TMPRSS3: variants seen among roughly 807,000 people sequenced by gnomAD.
TMPRSS3 encodes transmembrane protease serine 3.
Under a neutral mutation model 59.6 loss-of-function variants are expected in TMPRSS3, and 55 were observed. That is an observed-to-expected ratio of 0.92 (90% CI 0.74 to 1.16). The LOEUF (loss-of-function observed/expected upper bound fraction) is 1.16. TMPRSS3 is among the 50% of genes most tolerant of loss of function. TMPRSS3 has a pLI of 0.00. For missense variants in TMPRSS3, 596 were observed against 579.4 expected, an observed-to-expected ratio of 1.03 and a Z score of -0.29; for synonymous variants, 257 against 237.7, an observed-to-expected ratio of 1.08 and a Z score of -0.75.
chr21:42,394,266 C>A (rs188586352), intron 2 of TMPRSS3, among the ~76,000 whole-genome samples: 1 of 151,922 alleles, frequency 6.6e-6, no homozygotes, highest in African/African-American at 2.4e-5. Flanking sequence ...ATATTAGGAA[C>A]AACTATAGGT....
chr21:42,383,853 TGGCACCCAGGAGGAA>T, intron 7 of TMPRSS3, 102 bp downstream of exon 7: 1 of 1,114,130 alleles, frequency 9.0e-7, no homozygotes, highest in Non-Finnish European at 1.4e-6. Flanking sequence ...AGTTCCCGCC[TGGCACCCAGGAGGAA>T]GGGATACAGA....
chr21:42,376,175 C>G (rs939764220), intron 11 of TMPRSS3, among the ~76,000 whole-genome samples: 3 of 152,172 alleles, frequency 2.0e-5, no homozygotes, highest in African/African-American at 7.2e-5. Context: ...CTGGCCAGGG[C>G]CCTCAGGTGA....
intron 10 of TMPRSS3, 136 bp downstream of exon 10, chr21:42,379,981 C>G: frequency 1.4e-6 from 1 of 730,580 alleles, no homozygotes; most frequent in South Asian, 1.5e-5. Context: ...GTGTCCCGAG[C>G]AGCTGACATG....
intron 5 of TMPRSS3, 146 bp from the exon 6 acceptor site, chr21:42,385,680 A>G: frequency 1.9e-6 from 2 of 1,072,754 alleles, no homozygotes; most frequent in Non-Finnish European, 2.8e-6. Context: ...TCCTTTGCCA[A>G]GAGAATGAAG....
chr21:42,378,018 C>G (rs867077635), intron 10 of TMPRSS3, among the ~76,000 whole-genome samples: 29 of 152,198 alleles, frequency 1.9e-4, no homozygotes, highest in African/African-American at 7.0e-4. Context: ...GCTGGTTGGT[C>G]CGGAATGAGA....
At chr21:42,389,895 T>G in intron 3 of TMPRSS3, 32 bp downstream of exon 3, 22 of 1,520,370 alleles carry the variant, frequency 1.4e-5, no homozygotes, top group Admixed American at 1.7e-5. Context: ...GCTAGGTATT[T>G]GAGATCCTAC....
intron 6 of TMPRSS3, among the ~76,000 whole-genome samples, chr21:42,385,047 C>CCCTCTCTTCCTCCCTCCCTT (rs2052606466): frequency 1.1e-5 from 1 of 92,086 alleles, no homozygotes; most frequent in African/African-American, 6.9e-5. Flanking sequence ...CTCCCTCCCT[C>CCCTCTCTTCCTCCCTCCCTT]CCTTCCTTCC....
chr21:42,387,423 G>GTAA (rs1399057808), intron 5 of TMPRSS3, among the ~76,000 whole-genome samples: 1 of 146,248 alleles, frequency 6.8e-6, no homozygotes, highest in Non-Finnish European at 1.5e-5. Context: ...TCTCTAAGGA[G>GTAA]TAATACATCA....
At chr21:42,387,521 G>A (rs571943295) in intron 5 of TMPRSS3, among the ~76,000 whole-genome samples, 1 of 152,226 alleles carries the variant, frequency 6.6e-6, no homozygotes, top group South Asian at 2.1e-4. Flanking sequence ...GGTGTGGAGG[G>A]AGAGGGAGGC....
intron 11 of TMPRSS3, 91 bp from the exon 12 acceptor site, chr21:42,375,959 C>T: frequency 6.4e-7 from 1 of 1,558,086 alleles, no homozygotes; most frequent in Non-Finnish European, 8.7e-7. Context: ...AGGCTGCTTG[C>T]TATGGAGTTG....
rs138209833 is a variant in TMPRSS3, at chr21:42,384,363, C to T, written c.573-350G>A. 2.7e-3 allele frequency among the ~76,000 whole-genome samples: 404 copies of T among 152,262 alleles called. 3 individuals are homozygous for T. Among genetic ancestry groups the T allele is most frequent in the Non-Finnish European group, 4.5e-3 (309 of 68,008 alleles). On this transcript the variant is annotated intron_variant, in intron 6 of 12. Coordinates refer to ENST00000644384, the MANE Select transcript of TMPRSS3 (RefSeq NM_001256317.3). ...AGCCCAATGTTCTCCACCTCCTGGC[C>T]CCTAGGGACACAAGAGTGCCCAAGG...
At chr21:42,389,659 A>G (rs1214564517) in intron 3 of TMPRSS3, among the ~76,000 whole-genome samples, 3 of 152,130 alleles carry the variant, frequency 2.0e-5, no homozygotes, top group Non-Finnish European at 4.4e-5. Flanking sequence ...GCAGGATTCT[A>G]TTTCATCAGC....
At chr21:42,384,971 G>A (rs760478096) in intron 6 of TMPRSS3, among the ~76,000 whole-genome samples, 14 of 144,662 alleles carry the variant, frequency 9.7e-5, no homozygotes, top group Non-Finnish European at 1.5e-4. Flanking sequence ...AAAATACTTC[G>A]TAAACAAAGA....
chr21:42,386,147 G>A (rs2839503), intron 5 of TMPRSS3, among the ~76,000 whole-genome samples: 79,165 of 152,056 alleles, frequency 0.52, 21,956 homozygotes, highest in African/African-American at 0.72. Flanking sequence ...ACTTTTTAAA[G>A]AAGAATCACA....
At chr21:42,381,130 C>A (rs1424540056) in intron 9 of TMPRSS3, among the ~76,000 whole-genome samples, 1 of 152,202 alleles carries the variant, frequency 6.6e-6, no homozygotes, top group Non-Finnish European at 1.5e-5. Flanking sequence ...ATTTATTATG[C>A]TTTCCCTGCT....
chr21:42,382,992 G>A (rs2052559028), intron 8 of TMPRSS3, 41 bp downstream of exon 8: 1 of 1,612,552 alleles, frequency 6.2e-7, no homozygotes. Context: ...ACATGACCCA[G>A]GAGTGAACAG....
rs551510160 is a variant in TMPRSS3 at position 42,372,411 on chromosome 21, T to G, written c.*351A>C. 31 of 489,406 alleles carry G rather than the reference T, an allele frequency of 6.3e-5. No individual in the cohort carries two copies. Among genetic ancestry groups the G allele is most frequent in the African/African-American group, 5.8e-4 (30 of 51,558 alleles). 30.3% of individuals were successfully genotyped at this position (489,406 alleles called of 1,614,324 possible). On this transcript the variant is annotated 3_prime_UTR_variant, in exon 13 of 13. Coordinates refer to ENST00000644384, the MANE Select transcript of TMPRSS3 (RefSeq NM_001256317.3). ...CCTGTCTCTACTAAAAATACAAAAA[T>G]TAGTTGGGTGTGGTGGCGGGCACCT...
intron 7 of TMPRSS3, 121 bp downstream of exon 7, chr21:42,383,849 C>T (rs755479830): frequency 2.2e-5 from 24 of 1,074,400 alleles, no homozygotes; most frequent in South Asian, 1.4e-4. Context: ...ACAGAGTTCC[C>T]GCCTGGCACC....
intron 10 of TMPRSS3, among the ~76,000 whole-genome samples, chr21:42,377,492 A>T (rs2052450723): frequency 6.6e-6 from 1 of 152,190 alleles, no homozygotes; most frequent in Non-Finnish European, 1.5e-5. Context: ...CCTGAGACTG[A>T]GTTTGGACCT....
Sources: gnomAD v4.1 joint callset for allele counts (sites outside exome capture counted in the v4.1 genomes callset) on GRCh38, gnomAD v4.1.1 for gene constraint, MANE v1.5 for transcripts, NCBI Gene and HGNC (gene_info 2026-07-23, HGNC 2026-07-21) for gene names.